COL18A1: variants seen among roughly 807,000 people sequenced by gnomAD.
COL18A1 encodes collagen type XVIII alpha 1 chain, also known as collagen alpha-1(XVIII) chain.
In COL18A1, 133 loss-of-function variants were observed where a neutral mutation model predicts 168.0. That is an observed-to-expected ratio of 0.79 (90% CI 0.69 to 0.91). The LOEUF (loss-of-function observed/expected upper bound fraction) is 0.91, where lower values mean the gene tolerates loss of function less well. Ranked by LOEUF, COL18A1 falls within the 40% of genes least tolerant of loss-of-function variation. The probability of loss-of-function intolerance (pLI) is 0.00; values close to 1 mark genes in which losing one functional copy is unlikely to be tolerated. For missense variants in COL18A1, 2,126 were observed against 1,925.4 expected, an observed-to-expected ratio of 1.10 and a Z score of -1.95; for synonymous variants, 949 against 809.0, an observed-to-expected ratio of 1.17 and a Z score of -2.94.
Position 45,496,498 on chromosome 21 carries a change from A to C in COL18A1, c.2509-2A>C. 1 of 1,382,080 alleles carries C rather than the reference A, an allele frequency of 7.2e-7. No homozygotes were observed. The highest frequency in any genetic ancestry group is 1.4e-5 in the African/African-American group (1 of 70,798). The allele number at this position is 1,382,080 out of a possible 1,614,324, so 85.6% of individuals were successfully genotyped here. ...CCTAACAGCTCTCTGCCCTCCCCAC[A>C]GGGAATGCCCGGCCCCCCAGGACCT... On this transcript the variant is annotated splice_acceptor_variant, in intron 29 of 41. Transcript: ENST00000651438. LOFTEE classifies it high-confidence loss of function.
chr21:45,472,365 A>G (rs879305753), intron 3 of COL18A1, among the ~76,000 whole-genome samples: 2 of 152,092 alleles, frequency 1.3e-5, no homozygotes, highest in Non-Finnish European at 2.9e-5. Flanking sequence ...CTGGGACTAC[A>G]GGCGCCCGCC....
At chr21:45,480,428 G>T in intron 11 of COL18A1, 39 bp from the exon 12 acceptor site, 1 of 1,613,936 alleles carries the variant, frequency 6.2e-7, no homozygotes, top group Non-Finnish European at 8.5e-7. Context: ...GCGGGGGGCC[G>T]AGCTCAGGGC....
At chr21:45,496,715 C>G in intron 30 of COL18A1, 147 bp downstream of exon 30, 2 of 704,666 alleles carry the variant, frequency 2.8e-6, no homozygotes, top group South Asian at 3.0e-5. Flanking sequence ...GGATTAGCAG[C>G]TGAGTTCCCA....
chr21:45,429,857 T>C (rs1395953909), intron 2 of COL18A1, among the ~76,000 whole-genome samples: 2 of 152,144 alleles, frequency 1.3e-5, no homozygotes, highest in Non-Finnish European at 2.9e-5. Context: ...CTCCTGTCTC[T>C]ACAGCGGTGC....
intron 38 of COL18A1, among the ~76,000 whole-genome samples, chr21:45,507,995 AGGTG>A (rs527928471): frequency 6.6e-6 from 1 of 152,138 alleles, no homozygotes; most frequent in South Asian, 2.1e-4. Context: ...ATCAATGGGG[AGGTG>A]GATGGATGGA....
chr21:45,413,677 G>A (rs557977731), intron 2 of COL18A1, among the ~76,000 whole-genome samples: 11 of 152,324 alleles, frequency 7.2e-5, no homozygotes, highest in South Asian at 4.1e-4. Flanking sequence ...CATGGATCCC[G>A]TCCACGCTAA....
At chr21:45,469,041 C>T (rs915784737) in intron 3 of COL18A1, among the ~76,000 whole-genome samples, 1 of 152,230 alleles carries the variant, frequency 6.6e-6, no homozygotes, top group African/African-American at 2.4e-5. Flanking sequence ...CTCCTGCGCC[C>T]CCAGGAAGGG....
At chr21:45,417,972 C>T (rs2033494440) in intron 2 of COL18A1, among the ~76,000 whole-genome samples, 1 of 152,252 alleles carries the variant, frequency 6.6e-6, no homozygotes, top group African/African-American at 2.4e-5. Context: ...CACGTCTTTC[C>T]TGGGAGGTGG....
At chr21:45,415,450 C>T (rs1384793749) in intron 2 of COL18A1, among the ~76,000 whole-genome samples, 1 of 152,146 alleles carries the variant, frequency 6.6e-6, no homozygotes, top group Non-Finnish European at 1.5e-5. Flanking sequence ...ACACCCAGGG[C>T]TCAGAGCTCA....
intron 32 of COL18A1, among the ~76,000 whole-genome samples, chr21:45,497,998 G>A (rs1208960694): frequency 2.0e-5 from 3 of 152,196 alleles, no homozygotes; most frequent in Non-Finnish European, 4.4e-5. Context: ...CCACGGGGCC[G>A]GGGGTCGGCA....
In COL18A1 at chr21:45,479,044, C is replaced by T. The variant is rs565981775; in HGVS notation, c.1248+691C>T. ...AAGGACAGTCGGCTGGGGGGCGGCA[C>T]GGGGCCCACCCACTGCAACAGGGTA... is the stretch of plus-strand genomic sequence containing the variant. On this transcript the variant is annotated intron_variant, in intron 9 of 41. Coordinates refer to ENST00000651438, the MANE Select transcript of COL18A1 (RefSeq NM_001379500.1). Among the ~76,000 whole-genome samples, 14 of 151,990 alleles carry T rather than the reference C, an allele frequency of 9.2e-5. No homozygotes were observed. The East Asian group carries it at 1.7e-3, about 19-fold the overall frequency.
Position 45,494,876 on chromosome 21 carries a change from G to A in COL18A1, c.2394G>A (p.Arg798=). 6.2e-7 allele frequency: 1 copy of A among 1,610,436 alleles called. No individual in the cohort carries two copies. The highest frequency in any genetic ancestry group is 8.5e-7 in the Non-Finnish European group (1 of 1,178,860). ...GFRGPPGPYG[R]PGYKGEIGFP... ...TCCTCTTGCAGGGTCCATACGGACG[G>A]CCGGGGTACAAGGGAGAGATTGGCT... The change falls in exon 28 of 42, where the codon CGG becomes CGA. Residue 798 remains arginine, a synonymous_variant. Transcript: ENST00000651438.
chr21:45,475,128 C>T (rs931438992), intron 4 of COL18A1, among the ~76,000 whole-genome samples: 4 of 152,236 alleles, frequency 2.6e-5, no homozygotes, highest in African/African-American at 9.6e-5. Context: ...GAAACCTGTG[C>T]GGGGAGCATC....
At chr21:45,444,316 G>A (rs2034458677) in intron 2 of COL18A1, among the ~76,000 whole-genome samples, 1 of 152,200 alleles carries the variant, frequency 6.6e-6, no homozygotes, top group South Asian at 2.1e-4. Context: ...GTGTGCCCGA[G>A]TAGGTGGCGT....
At chr21:45,478,045 C>T (rs1361347302) in intron 8 of COL18A1, 80 bp downstream of exon 8, 7 of 821,754 alleles carry the variant, frequency 8.5e-6, no homozygotes, top group African/African-American at 3.4e-5. Flanking sequence ...CTGCGGCCGA[C>T]ATGGGAGTGA....
Position 45,405,406 on chromosome 21 carries a change from G to A in COL18A1, c.39G>A (p.Arg13=). The change falls in exon 2 of 42, where the codon CGG becomes CGA. Residue 13 remains arginine (R), a synonymous_variant. Coordinates refer to ENST00000651438, the MANE Select transcript of COL18A1 (RefSeq NM_001379500.1). ...PRCPWPWPRR[R]RLLDVLAPLV... ...GCCCCTGGCCATGGCCGCGGCGGCG[G>A]CGCCTCCTGGACGTGCTCGCGCCCC... 7.5e-7 allele frequency: 1 copy of A among 1,328,466 alleles called. No homozygotes were observed. Among genetic ancestry groups the A allele is most frequent in the Non-Finnish European group, 9.7e-7 (1 of 1,033,976 alleles). 82.3% of individuals were successfully genotyped at this position (1,328,466 alleles called of 1,614,324 possible). A position where few individuals can be genotyped will look rare whatever the true frequency, so the allele number is the denominator to read the frequency against.
intron 2 of COL18A1, among the ~76,000 whole-genome samples, chr21:45,439,273 C>T (rs1056836532): frequency 1.3e-5 from 2 of 152,214 alleles, no homozygotes; most frequent in African/African-American, 4.8e-5. Flanking sequence ...CTGGACCGCC[C>T]GAGTGGCCGT....
rs1253912876 is a variant in COL18A1 at position 45,498,270 on chromosome 21, A to T, written c.2683+609A>T. On this transcript the variant is annotated intron_variant, in intron 32 of 41. Transcript: ENST00000651438. The surrounding 1 kb of genome is among the most constrained non-coding windows in gnomAD (Gnocchi z 4.5). ...GAGCAGAAGCCCAGAGAGCCAGGCT[A>T]GCCTCGGGCGCCTTTCACCACCAGG... 2 of 706,626 alleles carry T rather than the reference A, an allele frequency of 2.8e-6. No homozygotes were observed. The highest frequency in any genetic ancestry group is 5.2e-6 in the Non-Finnish European group (2 of 384,724). 43.8% of individuals were successfully genotyped at this position (706,626 alleles called of 1,614,324 possible).
chr21:45,445,056 A>G (rs75364895), intron 2 of COL18A1, among the ~76,000 whole-genome samples: 3,352 of 152,248 alleles, frequency 0.022, 137 homozygotes, highest in African/African-American at 0.076. Flanking sequence ...TCAAAAATCT[A>G]TGCCACCATC....
Sources: gnomAD v4.1 joint callset for allele counts (sites outside exome capture counted in the v4.1 genomes callset) on GRCh38, gnomAD v4.1.1 for gene constraint, Gnocchi (gnomAD v3.1) non-coding constraint, MANE v1.5 for transcripts, NCBI Gene and HGNC (gene_info 2026-07-23, HGNC 2026-07-21) for gene names.